The following NIPBL variants were observed in gnomAD, a reference collection of about 807,000 sequenced individuals.
NIPBL encodes nipped-B-like protein.
A neutral mutation model predicts 321.8 loss-of-function variants in NIPBL; 19 were observed. The observed-to-expected ratio is 0.06, with a 90% CI of 0.04 to 0.09. The LOEUF (loss-of-function observed/expected upper bound fraction) is 0.09, where lower values mean the gene tolerates loss of function less well. NIPBL is among the 10% of genes least tolerant of loss of function. The pLI, the probability that NIPBL is intolerant of heterozygous loss-of-function variation, is 1.00. For missense variants in NIPBL, 2,210 were observed against 3,327.0 expected (o/e 0.66, Z 8.26); for synonymous variants, 1,106 against 1,114.1 (o/e 0.99, Z 0.14).
At chr5:36,890,854 A>G (rs1338589326) in intron 1 of NIPBL, among the ~76,000 whole-genome samples, 2 of 152,240 alleles carry the variant, frequency 1.3e-5, no homozygotes, top group Non-Finnish European at 2.9e-5. Flanking sequence ...TTGAAATGTG[A>G]AATACCCAGT....
chr5:36,924,553 T>G (rs1580243734), intron 1 of NIPBL, among the ~76,000 whole-genome samples: 1 of 152,328 alleles, frequency 6.6e-6, no homozygotes, highest in Middle Eastern at 3.4e-3. Flanking sequence ...GAACACTGTA[T>G]TGTCTTGTGT....
At chr5:37,027,669 A>C (rs1750464015) in intron 32 of NIPBL, among the ~76,000 whole-genome samples, 1 of 120,570 alleles carries the variant, frequency 8.3e-6, no homozygotes. Flanking sequence ...CCCAGGCTGG[A>C]GTGCAGTGGC....
chr5:37,011,091 A>T (rs1226982866), intron 21 of NIPBL, among the ~76,000 whole-genome samples: 2 of 152,184 alleles, frequency 1.3e-5, no homozygotes, highest in Non-Finnish European at 2.9e-5. Context: ...TAGGTAGCTC[A>T]TGCCGACGAT....
chr5:36,926,293 G>A (rs1749355589), intron 1 of NIPBL, among the ~76,000 whole-genome samples: 1 of 152,150 alleles, frequency 6.6e-6, no homozygotes, highest in South Asian at 2.1e-4. Context: ...TATGTCTCAC[G>A]ATTTTGTGGG....
At chr5:36,906,856 C>T (rs1747680001) in intron 1 of NIPBL, among the ~76,000 whole-genome samples, 1 of 152,154 alleles carries the variant, frequency 6.6e-6, no homozygotes, top group Admixed American at 6.5e-5. Context: ...TATTGTTAAG[C>T]ACTGTCTTGA....
intron 1 of NIPBL, among the ~76,000 whole-genome samples, chr5:36,878,399 G>A (rs1745255614): frequency 6.6e-6 from 1 of 152,172 alleles, no homozygotes; most frequent in African/African-American, 2.4e-5. Flanking sequence ...TGTTTATGGA[G>A]GCGTTCATAA....
At chr5:36,991,089 G>T (rs965143648) in intron 10 of NIPBL, among the ~76,000 whole-genome samples, 2 of 151,928 alleles carry the variant, frequency 1.3e-5, no homozygotes, top group African/African-American at 4.8e-5. Context: ...AATAAAATGG[G>T]TTTTTTAATA....
Position 37,022,432 on chromosome 5 carries a change from G to T in NIPBL, c.5574+42G>T, listed in dbSNP as rs1249643787. On this transcript the variant is annotated intron_variant, in intron 29 of 46. Coordinates refer to ENST00000282516, the MANE Select transcript of NIPBL (RefSeq NM_133433.4). ...TATAATGATTCGTGAATATAATTTT[G>T]CCTTTCAAGCATCATGTTTTGTTTT... The T allele has an allele frequency of 3.2e-6, 5 of 1,548,248 alleles. No homozygotes were observed. In the South Asian group the frequency reaches 4.8e-5, roughly 15 times the overall value.
intron 8 of NIPBL, among the ~76,000 whole-genome samples, chr5:36,975,379 A>G (rs920632444): frequency 2.6e-5 from 4 of 152,156 alleles, no homozygotes; most frequent in Admixed American, 1.3e-4. Context: ...TAATCAGGAT[A>G]TATCTGTTTT....
chr5:36,931,004 A>G (rs751243073), intron 1 of NIPBL, among the ~76,000 whole-genome samples: 6 of 152,074 alleles, frequency 3.9e-5, no homozygotes, highest in East Asian at 3.8e-4. Flanking sequence ...GTTTTCTTGC[A>G]TTGTCTCTGT....
chr5:36,975,475 CT>C (rs913721543), intron 8 of NIPBL, among the ~76,000 whole-genome samples: 5 of 151,936 alleles, frequency 3.3e-5, no homozygotes, highest in African/African-American at 1.2e-4. Flanking sequence ...CTTTTTACCC[CT>C]ATAAAGCTAA....
intron 9 of NIPBL, among the ~76,000 whole-genome samples, chr5:36,979,858 A>G (rs775250267): frequency 6.6e-6 from 1 of 151,754 alleles, no homozygotes; most frequent in African/African-American, 2.4e-5. Context: ...GGAAACATAC[A>G]ATATCACAAT....
At chr5:37,042,205 G>A (rs1305219523) in intron 34 of NIPBL, among the ~76,000 whole-genome samples, 1 of 151,958 alleles carries the variant, frequency 6.6e-6, no homozygotes, top group African/African-American at 2.4e-5. Flanking sequence ...GGGAGGCCGA[G>A]GCAGGCGGAT....
At chr5:37,048,736 CT>C in intron 39 of NIPBL, 61 bp downstream of exon 39, 4 of 1,288,906 alleles carry the variant, frequency 3.1e-6, no homozygotes, top group Non-Finnish European at 4.4e-6. Context: ...GCTTTATCTT[CT>C]TTAATCTAAA....
At position 37,027,351 on chromosome 5, in the gene NIPBL, AC is replaced by A. The variant is rs1750404524; in HGVS notation, c.5809-5del. ...ACTTCTAACTTTGATTCTTTTCATCACCCTTAGGTTGCAGCATGCAGAGATA... is the reference window on the plus strand; with the variant it reads ...ACTTCTAACTTTGATTCTTTTCATCACCTTAGGTTGCAGCATGCAGAGATA... On this transcript the variant is annotated splice_polypyrimidine_tract_variant and splice_region_variant and intron_variant, in intron 31 of 46. Coordinates refer to ENST00000282516, the MANE Select transcript of NIPBL (RefSeq NM_133433.4). 1.9e-6 allele frequency: 3 copies of A among 1,603,776 alleles called. No individual in the cohort carries two copies. The highest frequency in any genetic ancestry group is 2.6e-6 in the Non-Finnish European group (3 of 1,170,862).
At chr5:36,884,419 A>G (rs1378233388) in intron 1 of NIPBL, among the ~76,000 whole-genome samples, 1 of 152,204 alleles carries the variant, frequency 6.6e-6, no homozygotes, top group Non-Finnish European at 1.5e-5. Context: ...ATAGACATAT[A>G]TTACTTTTCA....
chr5:36,930,343 T>A (rs1445168113), intron 1 of NIPBL, among the ~76,000 whole-genome samples: 1 of 152,072 alleles, frequency 6.6e-6, no homozygotes, highest in Non-Finnish European at 1.5e-5. Flanking sequence ...TTTCTTAATT[T>A]CATTTTTGCA....
Position 36,971,035 on chromosome 5 carries a change from A to T in NIPBL, c.770A>T (p.Asp257Val). Residue 257 changes from aspartate (D) to valine (V), a missense_variant and splice_region_variant, in exon 7 of 47, where the codon GAC (aspartate) becomes GTC (valine). Asp to Val is a radical substitution (Grantham distance 152, BLOSUM62 -3). Coordinates refer to ENST00000282516, the MANE Select transcript of NIPBL (RefSeq NM_133433.4). ...YLHMVHRLSSDDGDSSTMRNA... is the reference protein window; with the variant it reads ...YLHMVHRLSSVDGDSSTMRNA... ...CACATGGTGCACAGGCTAAGTAGTGACGTATGTAATATATTATCATTAAGG... is the reference window on the plus strand; with the variant it reads ...CACATGGTGCACAGGCTAAGTAGTGTCGTATGTAATATATTATCATTAAGG... The T allele has an allele frequency of 6.2e-7, 1 of 1,609,582 alleles. No individual in the cohort carries two copies. The highest frequency in any genetic ancestry group is 8.5e-7 in the Non-Finnish European group (1 of 1,175,972).
intron 4 of NIPBL, 138 bp from the exon 5 acceptor site, chr5:36,961,346 C>T (rs774332215): frequency 8.8e-5 from 58 of 660,016 alleles, no homozygotes; most frequent in Non-Finnish European, 1.4e-4. Context: ...TTTACAGCGT[C>T]TATATTTTGC....
Sources: gnomAD v4.1 joint callset for allele counts (sites outside exome capture counted in the v4.1 genomes callset) on GRCh38, gnomAD v4.1.1 for gene constraint, MANE v1.5 for transcripts, NCBI Gene and HGNC (gene_info 2026-07-23, HGNC 2026-07-21) for gene names.